Variants in RNFT2 observed in about 807,000 individuals in gnomAD.
The protein encoded by RNFT2 is E3 ubiquitin-protein ligase RNFT2.
In RNFT2, 36 loss-of-function variants were observed where a neutral mutation model predicts 53.0. The observed-to-expected ratio is 0.68, with a 90% CI of 0.52 to 0.90. The LOEUF is 0.90. Among genes scored for constraint, RNFT2 ranks in the 40% least tolerant of loss-of-function variants. The probability of loss-of-function intolerance (pLI) is 0.00; values close to 1 mark genes in which losing one functional copy is unlikely to be tolerated. For missense variants in RNFT2, 514 were observed against 585.6 expected (o/e 0.88, Z 1.26); for synonymous variants, 260 against 253.2 (o/e 1.03, Z -0.26).
chr12:116,811,838 ACCCT>A (rs1875396877), intron 7 of RNFT2, among the ~76,000 whole-genome samples: 2 of 152,168 alleles, frequency 1.3e-5, no homozygotes, highest in Non-Finnish European at 2.9e-5. Context: ...TAAGATCAGA[ACCCT>A]GAATGGAAGG....
chr12:116,744,447 A>G (rs944916805), intron 3 of RNFT2, among the ~76,000 whole-genome samples: 2 of 152,160 alleles, frequency 1.3e-5, no homozygotes, highest in Non-Finnish European at 2.9e-5. Context: ...CAACCGCCAC[A>G]TTAGCCCAGT....
In RNFT2 at chr12:116,852,655, G is replaced by T; in HGVS notation, c.*3207G>T. On this transcript the variant is annotated 3_prime_UTR_variant, in exon 11 of 11. Coordinates refer to ENST00000257575, the MANE Select transcript of RNFT2 (RefSeq NM_001382266.1). Reference sequence around the variant, plus strand: ...AAAGATCATCCTGCCTGCAGATGCTGTTGAAGGGGCACAAGAAATTGGAGC... The same window carrying T: ...AAAGATCATCCTGCCTGCAGATGCTTTTGAAGGGGCACAAGAAATTGGAGC... 6.2e-7 allele frequency: 1 copy of T among 1,614,024 alleles called. No individual in the cohort carries two copies. The highest frequency in any genetic ancestry group is 8.5e-7 in the Non-Finnish European group (1 of 1,179,888).
intron 7 of RNFT2, among the ~76,000 whole-genome samples, chr12:116,804,976 A>G (rs1291263612): frequency 6.6e-6 from 1 of 152,226 alleles, no homozygotes. Flanking sequence ...AAAAAGAAAA[A>G]GAAGCTATAG....
chr12:116,748,362 C>T (rs528884476), intron 3 of RNFT2, among the ~76,000 whole-genome samples: 1 of 152,180 alleles, frequency 6.6e-6, no homozygotes, highest in Non-Finnish European at 1.5e-5. Flanking sequence ...GAATCCTTTG[C>T]CTGATTCCAA....
chr12:116,770,961 C>G (rs937502684), intron 6 of RNFT2, among the ~76,000 whole-genome samples: 4 of 152,118 alleles, frequency 2.6e-5, no homozygotes, highest in African/African-American at 9.7e-5. Context: ...GCCATTCACC[C>G]ATTTTTATTA....
intron 5 of RNFT2, among the ~76,000 whole-genome samples, chr12:116,763,073 C>A (rs917968996): frequency 1.3e-5 from 2 of 152,028 alleles, no homozygotes; most frequent in African/African-American, 2.4e-5. Context: ...CAGAACAAGA[C>A]CTTCTCTGTT....
intron 6 of RNFT2, among the ~76,000 whole-genome samples, chr12:116,771,461 A>T (rs1222429906): frequency 8.6e-5 from 2 of 23,180 alleles, no homozygotes; most frequent in Admixed American, 7.9e-4. Flanking sequence ...TCCTATCGTT[A>T]AAAAAAAAAA....
chr12:116,780,838 G>C (rs896842096), intron 7 of RNFT2, among the ~76,000 whole-genome samples: 6 of 152,170 alleles, frequency 3.9e-5, no homozygotes, highest in African/African-American at 1.4e-4. Flanking sequence ...ACTTGACACT[G>C]GAAAGCAGCA....
chr12:116,841,858 A>ATATATATAAAAAT (rs1877313449), intron 10 of RNFT2, among the ~76,000 whole-genome samples: 10 of 24,438 alleles, frequency 4.1e-4, no homozygotes, highest in African/African-American at 1.4e-3. Context: ...TATATATAAA[A>ATATATATAAAAAT]ATATATATAT....
chr12:116,836,384 G>T, intron 10 of RNFT2, 102 bp downstream of exon 10: 1 of 975,374 alleles, frequency 1.0e-6, no homozygotes, highest in Non-Finnish European at 1.6e-6. Context: ...TCTCTGGGGG[G>T]CAATCCGGTT....
intron 3 of RNFT2, among the ~76,000 whole-genome samples, chr12:116,744,619 C>T (rs1871809656): frequency 6.6e-6 from 1 of 152,160 alleles, no homozygotes; most frequent in African/African-American, 2.4e-5. Context: ...TGCCTAGTGT[C>T]TGAGCAGAAC....
intron 7 of RNFT2, among the ~76,000 whole-genome samples, chr12:116,817,332 GAGACAGGAGGTCTCATGATGTC>G (rs1875738528): frequency 6.6e-6 from 1 of 151,994 alleles, no homozygotes; most frequent in Non-Finnish European, 1.5e-5. Context: ...TTTTTAAATA[GAGACAGGAGGTCTCATGATGTC>G]TCCCAGGCTA....
At position 116,834,256 on chromosome 12, in the gene RNFT2, T is replaced by G. The variant is rs546614383; in HGVS notation, c.1032+315T>G. Among the ~76,000 whole-genome samples, 69 of 152,242 alleles carry G rather than the reference T, an allele frequency of 4.5e-4. 1 individual carries two copies. Among genetic ancestry groups the G allele is most frequent in the African/African-American group, 1.5e-3 (63 of 41,544 alleles). Reference sequence around the variant, plus strand: ...CCTCAGCCTCCAGAATAGCTGGGACTACAGGCATCCACCACTATACCCAGC... The same window carrying G: ...CCTCAGCCTCCAGAATAGCTGGGACGACAGGCATCCACCACTATACCCAGC... On this transcript the variant is annotated intron_variant, in intron 8 of 10. Coordinates refer to ENST00000257575, the MANE Select transcript of RNFT2 (RefSeq NM_001382266.1).
chr12:116,750,815 T>C (rs1303847273), intron 4 of RNFT2, among the ~76,000 whole-genome samples: 1 of 5,218 alleles, frequency 1.9e-4, no homozygotes, highest in Non-Finnish European at 8.1e-4. Flanking sequence ...ATATAATATA[T>C]ATATTATATA....
intron 7 of RNFT2, among the ~76,000 whole-genome samples, chr12:116,812,261 C>T (rs1875416417): frequency 1.3e-5 from 2 of 152,144 alleles, no homozygotes; most frequent in African/African-American, 4.8e-5. Context: ...GTGCCTGGCA[C>T]ATAGCAGCCC....
At chr12:116,790,899 T>C (rs1033879964) in intron 7 of RNFT2, among the ~76,000 whole-genome samples, 2 of 152,202 alleles carry the variant, frequency 1.3e-5, no homozygotes, top group African/African-American at 4.8e-5. Flanking sequence ...TTAAGGCTGC[T>C]GCAGTGAACC....
At position 116,853,297 on chromosome 12, in the gene RNFT2, T is replaced by A. The variant is rs1257196149; in HGVS notation, c.*3849T>A. 1 of 398,282 alleles carries A rather than the reference T, an allele frequency of 2.5e-6. No individual in the cohort carries two copies. The highest frequency in any genetic ancestry group is 2.1e-5 in the African/African-American group (1 of 48,632). The allele number at this position is 398,282 out of a possible 1,614,324, so 24.7% of individuals were successfully genotyped here. ...GTATCAGGTTCACAGTATCCTGCCC[T>A]TATTATTTTATGATTCACTGACTCA... is the stretch of plus-strand genomic sequence containing the variant. On this transcript the variant is annotated 3_prime_UTR_variant, in exon 11 of 11. Transcript: ENST00000257575.
intron 5 of RNFT2, among the ~76,000 whole-genome samples, chr12:116,764,434 G>A (rs1872822466): frequency 6.6e-6 from 1 of 151,908 alleles, no homozygotes; most frequent in Admixed American, 6.6e-5. Context: ...CTATAGCATC[G>A]TCTGCTTTCT....
In RNFT2 at chr12:116,767,439, G is replaced by A. The variant is rs754533298; in HGVS notation, c.728+525G>A. Among the ~76,000 whole-genome samples the A allele has an allele frequency of 3.3e-5, 5 of 152,062 alleles. No individual in the cohort carries two copies. In the East Asian group the frequency reaches 7.7e-4, roughly 24 times the overall value. On this transcript the variant is annotated intron_variant, in intron 6 of 10. Transcript: ENST00000257575. ...TCCCTGTGTTGCCCAGGCTGGGCTCGGACCTCTGAGCTCAGGCAATCCACC... is the reference window on the plus strand; with the variant it reads ...TCCCTGTGTTGCCCAGGCTGGGCTCAGACCTCTGAGCTCAGGCAATCCACC...
Sources: gnomAD v4.1 joint callset for allele counts (sites outside exome capture counted in the v4.1 genomes callset) on GRCh38, gnomAD v4.1.1 for gene constraint, MANE v1.5 for transcripts, NCBI Gene and HGNC (gene_info 2026-07-23, HGNC 2026-07-21) for gene names.